BICC1: variants seen among roughly 807,000 people sequenced by gnomAD.
BICC1 encodes the protein BicC family RNA binding protein 1.
In BICC1, 43 loss-of-function variants were observed where a neutral mutation model predicts 111.0. The ratio of observed to expected loss-of-function variants is 0.39; its 90% CI spans 0.30 to 0.50. The LOEUF is 0.50. BICC1 is among the 20% of genes least tolerant of loss of function. The pLI is 0.88. For synonymous variants in BICC1, 467 were observed against 434.4 expected (o/e 1.07, Z -0.93); for missense variants, 1,091 against 1,203.2 (o/e 0.91, Z 1.38).
At chr10:58,686,353 T>C (rs1839726099) in intron 2 of BICC1, among the ~76,000 whole-genome samples, 1 of 152,196 alleles carries the variant, frequency 6.6e-6, no homozygotes, top group Non-Finnish European at 1.5e-5. Context: ...TTGGAGTTGC[T>C]CTTCTCGAGG....
At chr10:58,738,575 T>C in intron 3 of BICC1, among the ~76,000 whole-genome samples, 1 of 151,584 alleles carries the variant, frequency 6.6e-6, no homozygotes, top group East Asian at 1.9e-4. Flanking sequence ...ATGCAGGCTC[T>C]TTTTTGGTTC....
chr10:58,522,762 G>A (rs1589058824), intron 1 of BICC1, among the ~76,000 whole-genome samples: 2 of 152,212 alleles, frequency 1.3e-5, no homozygotes, highest in African/African-American at 2.4e-5. Flanking sequence ...AGTGAATCCA[G>A]GAGCTGGTTT....
chr10:58,704,884 G>A (rs10740756), intron 3 of BICC1, among the ~76,000 whole-genome samples: 151,967 of 152,358 alleles, frequency 1, 75,789 homozygotes, highest in Middle Eastern at 1. Flanking sequence ...AACATTTTTC[G>A]TGGTCGCTGT....
intron 1 of BICC1, among the ~76,000 whole-genome samples, chr10:58,600,603 G>T (rs1844994288): frequency 6.6e-6 from 1 of 151,984 alleles, no homozygotes; most frequent in African/African-American, 2.4e-5. Flanking sequence ...TAATATAGTT[G>T]ACTCTTGAAT....
chr10:58,811,303 C>T (rs542233264), intron 17 of BICC1, among the ~76,000 whole-genome samples: 10 of 152,130 alleles, frequency 6.6e-5, no homozygotes, highest in Non-Finnish European at 1.2e-4. Flanking sequence ...GTCACATATT[C>T]TCGGAGCAAA....
intron 17 of BICC1, among the ~76,000 whole-genome samples, chr10:58,811,670 T>G (rs1843909586): frequency 6.6e-6 from 1 of 152,176 alleles, no homozygotes. Context: ...CTTTCTCAGA[T>G]GGAGCTTTCT....
intron 2 of BICC1, among the ~76,000 whole-genome samples, chr10:58,695,462 G>A (rs114498648): frequency 0.013 from 2,017 of 152,270 alleles, 47 homozygotes; most frequent in African/African-American, 0.044. Context: ...GCTGCAGATG[G>A]CTCCCAGCTG....
chr10:58,818,505 A>T (rs1287817554), intron 19 of BICC1, among the ~76,000 whole-genome samples: 1 of 152,170 alleles, frequency 6.6e-6, no homozygotes, highest in African/African-American at 2.4e-5. Flanking sequence ...CATCTGATTT[A>T]GTCAGTAATT....
chr10:58,682,520 C>A (rs1326072920), intron 2 of BICC1, among the ~76,000 whole-genome samples: 1 of 152,188 alleles, frequency 6.6e-6, no homozygotes, highest in Non-Finnish European at 1.5e-5. Context: ...CACATCCTCT[C>A]CAGCACCTGT....
chr10:58,588,412 G>A (rs552377746), intron 1 of BICC1, among the ~76,000 whole-genome samples: 1 of 152,314 alleles, frequency 6.6e-6, no homozygotes, highest in South Asian at 2.1e-4. Flanking sequence ...ATATGCATCA[G>A]TCACTTTGTT....
intron 2 of BICC1, among the ~76,000 whole-genome samples, chr10:58,696,293 C>T (rs1840062844): frequency 6.6e-6 from 1 of 151,738 alleles, no homozygotes; most frequent in South Asian, 2.1e-4. Context: ...ATGCTATCTT[C>T]ATCAGATTTT....
At chr10:58,783,864 A>G (rs7081819) in intron 3 of BICC1, among the ~76,000 whole-genome samples, 117,363 of 152,022 alleles carry the variant, frequency 0.77, 45,911 homozygotes, top group East Asian at 1. Context: ...AATGATCTTG[A>G]TCTGTGTCAA....
chr10:58,759,101 A>G (rs1842230174), intron 3 of BICC1, among the ~76,000 whole-genome samples: 1 of 151,978 alleles, frequency 6.6e-6, no homozygotes, highest in African/African-American at 2.4e-5. Flanking sequence ...CTGGGATTAC[A>G]GGTGTGTGCC....
chr10:58,596,893 G>C (rs952402733), intron 1 of BICC1, among the ~76,000 whole-genome samples: 22 of 152,274 alleles, frequency 1.4e-4, no homozygotes, highest in African/African-American at 5.3e-4. Flanking sequence ...ACTGCTCAAG[G>C]AAATAGGAGA....
chr10:58,592,329 A>G (rs952649001), intron 1 of BICC1, among the ~76,000 whole-genome samples: 7 of 152,154 alleles, frequency 4.6e-5, no homozygotes, highest in African/African-American at 1.7e-4. Flanking sequence ...GACAACTGGG[A>G]ACAGCTAGAA....
chr10:58,530,971 A>C (rs1842667075), intron 1 of BICC1, among the ~76,000 whole-genome samples: 1 of 151,878 alleles, frequency 6.6e-6, no homozygotes, highest in Non-Finnish European at 1.5e-5. Context: ...TCCAGTTTAA[A>C]ACCAAGAACC....
At chr10:58,824,194 C>G in intron 20 of BICC1, 2 of 654,328 alleles carry the variant, frequency 3.1e-6, no homozygotes, top group Non-Finnish European at 3.8e-6. Flanking sequence ...AGGGCATTGA[C>G]CTTTCCATCA....
Position 58,829,624 on chromosome 10 carries a change from C to T in BICC1, c.*733C>T, listed in dbSNP as rs1294341611. The T allele has an allele frequency of 6.6e-6, 1 of 152,060 alleles. No homozygotes were observed. The highest frequency in any genetic ancestry group is 2.4e-5 in the African/African-American group (1 of 41,420). 9.4% of individuals were successfully genotyped at this position (152,060 alleles called of 1,614,324 possible). A position where few individuals can be genotyped will look rare whatever the true frequency, so the allele number is the denominator to read the frequency against. ...CATGTATGTTAGCATCCTAGAAACA[C>T]CTAGCAATGGACCTAGTTCACAGTA... On this transcript the variant is annotated 3_prime_UTR_variant, in exon 21 of 21. Transcript: ENST00000373886.
chr10:58,580,823 G>A (rs1407248301), intron 1 of BICC1, among the ~76,000 whole-genome samples: 1 of 152,108 alleles, frequency 6.6e-6, no homozygotes, highest in Non-Finnish European at 1.5e-5. Context: ...AGTGTATGAA[G>A]GAGCTAGTGG....
Sources: allele counts gnomAD v4.1 joint callset (sites outside exome capture counted in the v4.1 genomes callset), GRCh38; gene constraint gnomAD v4.1.1; transcripts MANE v1.5; gene names NCBI Gene and HGNC (gene_info 2026-07-23, HGNC 2026-07-21).